The following SAE1 variants were observed in gnomAD, a reference collection of about 807,000 sequenced individuals.
SAE1 encodes the protein SUMO1 activating enzyme subunit 1, also known as SUMO-activating enzyme subunit 1.
In SAE1, 11 loss-of-function variants were observed where a neutral mutation model predicts 40.6. That is an observed-to-expected ratio of 0.27 (90% confidence interval 0.17 to 0.45). SAE1 has a LOEUF of 0.45. Among genes scored for constraint, SAE1 ranks in the 20% least tolerant of loss-of-function variants. The pLI, the probability that SAE1 is intolerant of heterozygous loss-of-function variation, is 1.00. For missense variants in SAE1, 373 were observed against 427.3 expected (o/e 0.87, Z 1.12); for synonymous variants, 155 against 154.3 (o/e 1.00, Z -0.03).
chr19:47,151,553 C>A (rs960869524), intron 3 of SAE1, among the ~76,000 whole-genome samples: 1 of 152,100 alleles, frequency 6.6e-6, no homozygotes, highest in African/African-American at 2.4e-5. Context: ...CTCACTGCAA[C>A]CTCCGCCTCC....
chr19:47,192,620 G>A (rs1450715157), intron 6 of SAE1, among the ~76,000 whole-genome samples: 2 of 151,946 alleles, frequency 1.3e-5, no homozygotes, highest in Non-Finnish European at 1.5e-5. Flanking sequence ...TCGGCTCACC[G>A]CAACCTCTGA....
chr19:47,190,478 C>G (rs937141796), intron 6 of SAE1, among the ~76,000 whole-genome samples: 1 of 152,134 alleles, frequency 6.6e-6, no homozygotes, highest in Non-Finnish European at 1.5e-5. Flanking sequence ...TTCCTGCCCC[C>G]CTCCACTGCT....
At chr19:47,208,728 T>G (rs2058698210) in intron 8 of SAE1, among the ~76,000 whole-genome samples, 1 of 151,818 alleles carries the variant, frequency 6.6e-6, no homozygotes, top group Admixed American at 6.6e-5. Flanking sequence ...CCCCACCTAT[T>G]TTAGTTTTCA....
At chr19:47,147,813 C>T (rs1237123352) in intron 2 of SAE1, among the ~76,000 whole-genome samples, 1 of 150,274 alleles carries the variant, frequency 6.7e-6, no homozygotes, top group African/African-American at 2.4e-5. Context: ...GGCTGGAGTG[C>T]AGTGGCGCGA....
At chr19:47,201,360 C>CTTT (rs57568797) in intron 7 of SAE1, among the ~76,000 whole-genome samples, 3,898 of 66,086 alleles carry the variant, frequency 0.059, 867 homozygotes, top group Non-Finnish European at 0.071. Flanking sequence ...TATCTGGTTC[C>CTTT]TTTTTTTTTT....
chr19:47,180,137 A>ATTTCCTAGAATTG (rs764843727), intron 6 of SAE1: 2 of 455,820 alleles, frequency 4.4e-6, no homozygotes, highest in South Asian at 3.1e-5. Context: ...ACACGTGTTT[A>ATTTCCTAGAATTG]TTTCCTAGAA....
intron 6 of SAE1, among the ~76,000 whole-genome samples, chr19:47,182,496 T>TGCGC (rs1555794398): frequency 0.017 from 2,430 of 146,018 alleles, 67 homozygotes; most frequent in African/African-American, 0.057. Flanking sequence ...TGTGTGTGTG[T>TGCGC]GCGCGCACGC....
rs748485588 is a variant in SAE1 at position 47,209,152 on chromosome 19, TC to T, written c.949-3del. On this transcript the variant is annotated splice_region_variant and splice_polypyrimidine_tract_variant and intron_variant, in intron 8 of 8. Coordinates refer to ENST00000270225, the MANE Select transcript of SAE1 (RefSeq NM_005500.3). ...GAGCTAAACCCTCTTTTCATTTTTC[TC>T]CCCAGGCCCTGTCTCAGCGGGACCC... is the stretch of plus-strand genomic sequence containing the variant. 10 of 1,611,686 alleles carry T rather than the reference TC, an allele frequency of 6.2e-6. No individual in the cohort carries two copies. Among genetic ancestry groups the T allele is most frequent in the African/African-American group, 1.3e-5 (1 of 74,868 alleles).
chr19:47,174,562 A>AT, intron 6 of SAE1, among the ~76,000 whole-genome samples: 1 of 133,358 alleles, frequency 7.5e-6, no homozygotes, highest in Non-Finnish European at 1.5e-5. Flanking sequence ...ACGCCTGGCA[A>AT]ATTTTTTTTT....
At chr19:47,171,711 A>G (rs1473460584) in intron 6 of SAE1, among the ~76,000 whole-genome samples, 1 of 151,696 alleles carries the variant, frequency 6.6e-6, no homozygotes, top group Non-Finnish European at 1.5e-5. Context: ...TGATCTGCCC[A>G]CCTCAGTCTC....
intron 3 of SAE1, among the ~76,000 whole-genome samples, chr19:47,151,698 T>C (rs941803914): frequency 6.6e-6 from 1 of 152,364 alleles, no homozygotes; most frequent in South Asian, 2.1e-4. Context: ...TAGTCCCTTC[T>C]ATTTTTTAAC....
Position 47,209,156 on chromosome 19 carries a change from C to T in SAE1, c.949-3C>T, listed in dbSNP as rs1378890598. ...TAAACCCTCTTTTCATTTTTCTCCC[C>T]AGGCCCTGTCTCAGCGGGACCCTCC... is the stretch of plus-strand genomic sequence containing the variant. On this transcript the variant is annotated splice_polypyrimidine_tract_variant and splice_region_variant and intron_variant, in intron 8 of 8. Coordinates refer to ENST00000270225, the MANE Select transcript of SAE1 (RefSeq NM_005500.3). 1.9e-6 allele frequency: 3 copies of T among 1,613,284 alleles called. No homozygotes were observed. The highest frequency in any genetic ancestry group is 2.5e-6 in the Non-Finnish European group (3 of 1,179,698).
chr19:47,170,126 C>G (rs2058421794), intron 6 of SAE1, among the ~76,000 whole-genome samples: 1 of 152,122 alleles, frequency 6.6e-6, no homozygotes, highest in Admixed American at 6.6e-5. Flanking sequence ...ATGACTTCTC[C>G]TTTTTTTACT....
intron 2 of SAE1, among the ~76,000 whole-genome samples, chr19:47,144,454 C>T (rs1366369675): frequency 3.3e-5 from 5 of 152,128 alleles, no homozygotes; most frequent in African/African-American, 4.8e-5. Context: ...AATCCCAGCA[C>T]TTTGGGAGGC....
At chr19:47,176,087 A>G (rs989953713) in intron 6 of SAE1, among the ~76,000 whole-genome samples, 9 of 152,250 alleles carry the variant, frequency 5.9e-5, no homozygotes, top group Admixed American at 5.9e-4. Context: ...GTTAACAATT[A>G]TAATCATTTG....
intron 7 of SAE1, among the ~76,000 whole-genome samples, chr19:47,200,623 C>G (rs2058647541): frequency 6.6e-6 from 1 of 152,102 alleles, no homozygotes; most frequent in Admixed American, 6.6e-5. Context: ...ATCCTTCTGC[C>G]TTGGCTTTCC....
chr19:47,189,084 G>T lies in SAE1; in HGVS notation c.734-8149G>T, dbSNP rs186998283. Among the ~76,000 whole-genome samples, 6 of 152,338 alleles carry T rather than the reference G, an allele frequency of 3.9e-5. No individual in the cohort carries two copies. The East Asian group carries it at 1.2e-3, about 29-fold the overall frequency. ...CAGCACCTGGCACAGTCATTGCTCA[G>T]TGTATATTTATTGAATGAACAATTG... On this transcript the variant is annotated intron_variant, in intron 6 of 8. Coordinates refer to ENST00000270225, the MANE Select transcript of SAE1 (RefSeq NM_005500.3).
At chr19:47,191,520 T>C (rs2058577666) in intron 6 of SAE1, among the ~76,000 whole-genome samples, 1 of 152,160 alleles carries the variant, frequency 6.6e-6, no homozygotes, top group South Asian at 2.1e-4. Flanking sequence ...AAGCTGTGCA[T>C]GGGCTGCTTA....
chr19:47,141,239 T>C lies in SAE1; in HGVS notation c.99-2255T>C, dbSNP rs951389243. ...CTGGTCTCGAACCCCTGGACTCAAG[T>C]GATCTGCCCGCCTTGGCCTCCCAAA... On this transcript the variant is annotated intron_variant, in intron 1 of 8. Coordinates refer to ENST00000270225, the MANE Select transcript of SAE1 (RefSeq NM_005500.3). Among the ~76,000 whole-genome samples, 32 of 152,140 alleles carry C rather than the reference T, an allele frequency of 2.1e-4. 1 individual carries two copies.
Sources: gnomAD v4.1 joint callset for allele counts (sites outside exome capture counted in the v4.1 genomes callset) on GRCh38, gnomAD v4.1.1 for gene constraint, MANE v1.5 for transcripts, NCBI Gene and HGNC (gene_info 2026-07-23, HGNC 2026-07-21) for gene names.